The following MAF variants were observed in gnomAD, a reference collection of about 807,000 sequenced individuals.
MAF encodes MAF bZIP transcription factor.
Under a neutral mutation model 22.0 loss-of-function variants are expected in MAF, and 10 were observed. That is an observed-to-expected ratio of 0.45 (90% confidence interval 0.28 to 0.77). MAF has a LOEUF of 0.77. Among genes scored for constraint, MAF ranks in the 30% least tolerant of loss-of-function variants. The probability of loss-of-function intolerance (pLI) is 0.12; values close to 1 mark genes in which losing one functional copy is unlikely to be tolerated. For synonymous variants in MAF, 337 were observed against 255.8 expected, an observed-to-expected ratio of 1.32 and a Z score of -3.03; for missense variants, 544 against 548.4, an observed-to-expected ratio of 0.99 and a Z score of 0.08.
the MAF span, among the ~76,000 whole-genome samples, chr16:79,497,215 C>G: frequency 5.3e-5 from 8 of 151,932 alleles, no homozygotes; most frequent in African/African-American, 1.9e-4. Flanking sequence ...TCCTTGCCTC[C>G]GAATCCTCAT....
At chr16:79,375,890 A>G in the MAF span, among the ~76,000 whole-genome samples, 5 of 152,190 alleles carry the variant, frequency 3.3e-5, no homozygotes, top group African/African-American at 1.2e-4. Context: ...TTCATAAGCT[A>G]TTACATAAAC....
chr16:79,330,535 G>T, the MAF span, among the ~76,000 whole-genome samples: 1 of 152,188 alleles, frequency 6.6e-6, no homozygotes, highest in Non-Finnish European at 1.5e-5. Context: ...GGGCTTAGAG[G>T]AAGCCAAGAG....
chr16:79,246,927 G>C, the MAF span, among the ~76,000 whole-genome samples: 3 of 152,158 alleles, frequency 2.0e-5, no homozygotes, highest in Non-Finnish European at 4.4e-5. Flanking sequence ...TTAGGTTCCT[G>C]TTCTAATGGA....
the MAF span, among the ~76,000 whole-genome samples, chr16:79,463,989 C>A: frequency 6.7e-6 from 1 of 149,890 alleles, no homozygotes; most frequent in Admixed American, 6.6e-5. Context: ...AAAATACGGA[C>A]GATAAAAAGG....
chr16:79,217,986 T>TAAAAAAAAAAAAAAAA, the MAF span, among the ~76,000 whole-genome samples: 1 of 52,124 alleles, frequency 1.9e-5, no homozygotes, highest in Admixed American at 3.4e-4. Flanking sequence ...GAAGCTTATG[T>TAAAAAAAAAAAAAAAA]AAAAAAAAAA....
chr16:79,409,503 T>C, the MAF span, among the ~76,000 whole-genome samples: 1 of 152,212 alleles, frequency 6.6e-6, no homozygotes, highest in Admixed American at 6.5e-5. Flanking sequence ...GGGTCCAGCA[T>C]TTCCCATGAC....
the MAF span, among the ~76,000 whole-genome samples, chr16:79,429,376 G>T: frequency 2.0e-5 from 3 of 152,170 alleles, no homozygotes; most frequent in African/African-American, 7.2e-5. Context: ...TCTTTTGTGT[G>T]CCTCCTCTTT....
the MAF span, among the ~76,000 whole-genome samples, chr16:79,334,182 C>A: frequency 1.3e-5 from 2 of 152,212 alleles, no homozygotes; most frequent in Non-Finnish European, 2.9e-5. Context: ...AAGCTGAGAA[C>A]AGAAGACAAC....
chr16:79,395,049 G>A, the MAF span, among the ~76,000 whole-genome samples: 11 of 152,296 alleles, frequency 7.2e-5, no homozygotes, highest in East Asian at 1.9e-3. Flanking sequence ...AATATATATT[G>A]TGCCAGGAAT....
At chr16:79,225,134 A>G in the MAF span, among the ~76,000 whole-genome samples, 1 of 152,200 alleles carries the variant, frequency 6.6e-6, no homozygotes, top group Non-Finnish European at 1.5e-5. Context: ...TACAATAACT[A>G]AAAAGCATGG....
chr16:79,496,156 G>T, the MAF span, among the ~76,000 whole-genome samples: 1 of 152,140 alleles, frequency 6.6e-6, no homozygotes, highest in Non-Finnish European at 1.5e-5. Flanking sequence ...CTAAGTGTAG[G>T]AGTATTTGTT....
chr16:79,298,396 G>A, the MAF span, among the ~76,000 whole-genome samples: 1 of 152,220 alleles, frequency 6.6e-6, no homozygotes, highest in Non-Finnish European at 1.5e-5. Flanking sequence ...TCTTCGCTGG[G>A]GATTACATTT....
At chr16:79,212,201 T>G in the MAF span, 21 of 1,452,548 alleles carry the variant, frequency 1.4e-5, no homozygotes, top group African/African-American at 2.3e-4. Flanking sequence ...CTTCTCCTAC[T>G]TAGGGAAGAA....
At chr16:79,595,812 C>A (rs753042688) in intron 1 of MAF, 1 of 1,056,706 alleles carries the variant, frequency 9.5e-7, no homozygotes, top group African/African-American at 1.7e-5. Flanking sequence ...TGAATATTCA[C>A]GGTGAAATAT....
the MAF span, among the ~76,000 whole-genome samples, chr16:79,328,291 A>G: frequency 5.7e-5 from 8 of 140,910 alleles, no homozygotes; most frequent in Admixed American, 2.8e-4. Flanking sequence ...CTTTTTTTTT[A>G]AAAAAAGAAA....
At chr16:79,347,900 A>C in the MAF span, among the ~76,000 whole-genome samples, 4 of 152,166 alleles carry the variant, frequency 2.6e-5, no homozygotes, top group Non-Finnish European at 5.9e-5. Flanking sequence ...TCCGTGGTGG[A>C]AGAAAGGGAT....
chr16:79,572,132 C>G, the MAF span, among the ~76,000 whole-genome samples: 72 of 152,290 alleles, frequency 4.7e-4, no homozygotes, highest in African/African-American at 1.7e-3. Flanking sequence ...ACATTTGTAG[C>G]ATTTTGGAGC....
chr16:79,577,035 C>T, the MAF span, among the ~76,000 whole-genome samples: 1,241 of 152,252 alleles, frequency 8.2e-3, 17 homozygotes, highest in African/African-American at 0.029. Context: ...AGGGTATTAA[C>T]GAAATGTGCC....
the MAF span, among the ~76,000 whole-genome samples, chr16:79,275,317 G>A: frequency 2.1e-4 from 32 of 152,322 alleles, no homozygotes; most frequent in Non-Finnish European, 4.0e-4. Flanking sequence ...TTGCACTCCA[G>A]CCTGGGCGAC....
Sources: allele counts gnomAD v4.1 joint callset (sites outside exome capture counted in the v4.1 genomes callset), GRCh38; gene constraint gnomAD v4.1.1; transcripts MANE v1.5; gene names NCBI Gene and HGNC (gene_info 2026-07-23, HGNC 2026-07-21).